CHKA: variants seen among roughly 807,000 people sequenced by gnomAD.
The protein encoded by CHKA is CHETK-alpha.
In CHKA, 34 loss-of-function variants were observed where a neutral mutation model predicts 60.1. That is an observed-to-expected ratio of 0.57 (90% confidence interval 0.43 to 0.75). CHKA has a LOEUF of 0.75. Among genes scored for constraint, CHKA ranks in the 30% least tolerant of loss-of-function variants. The probability of loss-of-function intolerance (pLI) is 0.00; values close to 1 mark genes in which losing one functional copy is unlikely to be tolerated. For synonymous variants in CHKA, 217 were observed against 223.1 expected (o/e 0.97, Z 0.24); for missense variants, 563 against 561.3 (o/e 1.00, Z -0.03).
intron 1 of CHKA, among the ~76,000 whole-genome samples, chr11:68,100,049 G>A (rs1857651212): frequency 6.6e-6 from 1 of 152,100 alleles, no homozygotes. Flanking sequence ...AACCCAAACT[G>A]TGAGAAATTT....
chr11:68,053,789 G>C lies in CHKA; in HGVS notation c.*199C>G, dbSNP rs528613952. ...TTCTGCTTCCCGATCTCGTTTCTGA[G>C]TCCTAGTGAAATCGTAAACAAGAGA... On this transcript the variant is annotated 3_prime_UTR_variant, in exon 12 of 12. Coordinates refer to ENST00000265689, the MANE Select transcript of CHKA (RefSeq NM_001277.3). The C allele has an allele frequency of 3.8e-6, 2 of 523,706 alleles. No individual in the cohort carries two copies. The highest frequency in any genetic ancestry group is 2.6e-5 in the South Asian group (1 of 38,260). 32.4% of individuals were successfully genotyped at this position (523,706 alleles called of 1,614,324 possible). A position where few individuals can be genotyped will look rare whatever the true frequency, so the allele number is the denominator to read the frequency against.
intron 1 of CHKA, among the ~76,000 whole-genome samples, chr11:68,113,250 A>T (rs1261178850): frequency 6.6e-6 from 1 of 151,982 alleles, no homozygotes; most frequent in Non-Finnish European, 1.5e-5. Context: ...ACTACACTCA[A>T]GCCTGAGCAA....
At chr11:68,060,194 AT>A (rs927628768) in intron 11 of CHKA, among the ~76,000 whole-genome samples, 36 of 144,860 alleles carry the variant, frequency 2.5e-4, no homozygotes, top group East Asian at 1.2e-3. Context: ...GGCCCAGCTA[AT>A]TTTTTTTTTT....
intron 2 of CHKA, among the ~76,000 whole-genome samples, chr11:68,085,888 G>A (rs983377538): frequency 7.2e-5 from 11 of 151,890 alleles, no homozygotes; most frequent in Admixed American, 1.3e-4. Flanking sequence ...CTCAGCCTCC[G>A]GAATAGTTGG....
Position 68,054,120 on chromosome 11 carries a change from C to G in CHKA, c.1315-73G>C, listed in dbSNP as rs1855907154. 3 of 1,315,120 alleles carry G rather than the reference C, an allele frequency of 2.3e-6. No individual in the cohort carries two copies. In the Admixed American group the frequency reaches 5.6e-5, roughly 24 times the overall value. 81.5% of individuals were successfully genotyped at this position (1,315,120 alleles called of 1,614,324 possible). On this transcript the variant is annotated intron_variant, in intron 11 of 11. Coordinates refer to ENST00000265689, the MANE Select transcript of CHKA (RefSeq NM_001277.3). ...GAACCCTGCCCATGTGTCCCCCAAT[C>G]CCCACCCCAGGCAAGAGCTGAGGGC...
In CHKA at chr11:68,053,996, C is replaced by A; in HGVS notation, c.1366G>T (p.Gly456Trp). The A allele has an allele frequency of 6.2e-7, 1 of 1,613,656 alleles. No homozygotes were observed. The highest frequency in any genetic ancestry group is 8.5e-7 in the Non-Finnish European group (1 of 1,179,848). The change falls in exon 12 of 12, where the codon GGG (glycine) becomes TGG (tryptophan). Residue 456 changes from glycine (G) to tryptophan (W), a missense_variant. Transcript: ENST00000265689. ...TGGAGTCCTCCCCACAGTCACACCC[C>A]AAGCTTCCTCTTCTGGTGGAAATAG... ...DAYFHQKRKL[G>W]V is the part of the protein sequence containing the mutation.
intron 3 of CHKA, among the ~76,000 whole-genome samples, chr11:68,076,330 A>T (rs1165242343): frequency 6.6e-6 from 1 of 152,254 alleles, no homozygotes; most frequent in African/African-American, 2.4e-5. Flanking sequence ...TTAGAGAATG[A>T]AAACAAAGAT....
intron 1 of CHKA, among the ~76,000 whole-genome samples, chr11:68,108,668 T>C (rs1858012506): frequency 6.6e-6 from 1 of 151,946 alleles, no homozygotes; most frequent in Non-Finnish European, 1.5e-5. Context: ...GGCGTGAACC[T>C]GGGAGGCGGA....
intron 11 of CHKA, among the ~76,000 whole-genome samples, chr11:68,057,248 TA>T (rs1483815518): frequency 2.0e-5 from 3 of 151,732 alleles, no homozygotes; most frequent in African/African-American, 7.3e-5. Context: ...CACAGCAACT[TA>T]CTCTATTTTT....
Position 68,074,579 on chromosome 11 carries a change from T to A in CHKA, c.630+138A>T, listed in dbSNP as rs533146005. On this transcript the variant is annotated intron_variant, in intron 4 of 11. Coordinates refer to ENST00000265689, the MANE Select transcript of CHKA (RefSeq NM_001277.3). ...AGTACAAAATAAATGTTGCTTTTCA[T>A]GATTTCTGATACAGTTTAATGACAT... 2.9e-5 allele frequency: 21 copies of A among 724,792 alleles called. No individual in the cohort carries two copies. The African/African-American group carries it at 3.3e-4, about 11-fold the overall frequency. 44.9% of individuals were successfully genotyped at this position (724,792 alleles called of 1,614,324 possible). A position where few individuals can be genotyped will look rare whatever the true frequency, so the allele number is the denominator to read the frequency against.
In CHKA at chr11:68,053,959, T is replaced by C; in HGVS notation, c.*29A>G. ...TCTGCTGCCTCCCCATGCAGTCCAG[T>C]GATGAGGTGGATGGAGTCCTCCCCA... On this transcript the variant is annotated 3_prime_UTR_variant, in exon 12 of 12. Coordinates refer to ENST00000265689, the MANE Select transcript of CHKA (RefSeq NM_001277.3). 1.2e-6 allele frequency: 2 copies of C among 1,603,634 alleles called. No homozygotes were observed. The highest frequency in any genetic ancestry group is 1.1e-5 in the South Asian group (1 of 90,198).
chr11:68,062,883 T>C (rs930362170), intron 10 of CHKA, among the ~76,000 whole-genome samples: 1 of 152,156 alleles, frequency 6.6e-6, no homozygotes, highest in African/African-American at 2.4e-5. Context: ...GTGAGCACTC[T>C]GGAGGCCACG....
intron 2 of CHKA, among the ~76,000 whole-genome samples, chr11:68,084,037 G>A (rs1857074593): frequency 6.6e-6 from 1 of 151,884 alleles, no homozygotes. Context: ...CTCAGGTCAG[G>A]AGCTTGAGAT....
intron 1 of CHKA, 28 bp from the exon 2 acceptor site, chr11:68,097,158 T>G (rs1435189027): frequency 6.4e-7 from 1 of 1,559,820 alleles, no homozygotes; most frequent in Admixed American, 1.7e-5. Flanking sequence ...ACAGTAAGTA[T>G]CTTTATTGCA....
rs909292890 is a variant in CHKA, at chr11:68,064,627, T to C, written c.1130A>G (p.His377Arg). ...RKYPTKKQQL[H>R]FISSYLPAFQ... ...TGCAGGCAAGTAACTGGAAATAAAA[T>C]GGAGCTTAAAAAAAAGTAATTGTGT... The change falls in exon 10 of 12, where the codon CAT becomes CGT. Residue 377 changes from histidine (H) to arginine (R), a missense_variant. Transcript: ENST00000265689. 3 of 1,575,118 alleles carry C rather than the reference T, an allele frequency of 1.9e-6. No homozygotes were observed. Among genetic ancestry groups the C allele is most frequent in the Admixed American group, 1.9e-5 (1 of 53,726 alleles).
Position 68,061,948 on chromosome 11 carries a change from CATACCAT to C in CHKA, c.1312_1314+4del. Reference sequence around the variant, plus strand: ...AAAAAAAACAAAAACGCTGCTAAAACATACCATGTACCCAAATTCAATAGATGAAATC... The same window carrying C: ...AAAAAAAACAAAAACGCTGCTAAAACGTACCCAAATTCAATAGATGAAATC... On this transcript the variant is annotated splice_donor_variant and splice_donor_region_variant and coding_sequence_variant and intron_variant, in exon 11 of 12. Transcript: ENST00000265689. LOFTEE classifies it high-confidence loss of function. The C allele has an allele frequency of 6.4e-7, 1 of 1,567,640 alleles. No individual in the cohort carries two copies. The highest frequency in any genetic ancestry group is 8.7e-7 in the Non-Finnish European group (1 of 1,153,904).
At chr11:68,063,032 G>A (rs1457978453) in intron 10 of CHKA, among the ~76,000 whole-genome samples, 2 of 152,188 alleles carry the variant, frequency 1.3e-5, no homozygotes, top group South Asian at 2.1e-4. Flanking sequence ...TGGACAAATA[G>A]TGGTCTAGAC....
chr11:68,109,476 G>A (rs1858053280), intron 1 of CHKA, among the ~76,000 whole-genome samples: 2 of 152,034 alleles, frequency 1.3e-5, no homozygotes, highest in Admixed American at 1.3e-4. Context: ...TAACCTGTTG[G>A]GATTTTCTCA....
At chr11:68,063,119 G>A (rs576759637) in intron 10 of CHKA, among the ~76,000 whole-genome samples, 169 of 152,256 alleles carry the variant, frequency 1.1e-3, no homozygotes, top group African/African-American at 3.7e-3. Flanking sequence ...ACTTAAAACC[G>A]ATAAACATAA....
Sources: allele counts gnomAD v4.1 joint callset (sites outside exome capture counted in the v4.1 genomes callset), GRCh38; gene constraint gnomAD v4.1.1; transcripts MANE v1.5; gene names NCBI Gene and HGNC (gene_info 2026-07-23, HGNC 2026-07-21).